Variants in NR2C1 observed in about 807,000 individuals in gnomAD.
The protein encoded by NR2C1 is nuclear receptor subfamily 2 group C member 1, also known as TR2 nuclear hormone receptor.
A neutral mutation model predicts 74.8 loss-of-function variants in NR2C1; 33 were observed. That is an observed-to-expected ratio of 0.44 (90% CI 0.33 to 0.59). The LOEUF (loss-of-function observed/expected upper bound fraction) is 0.59, where lower values mean the gene tolerates loss of function less well. NR2C1 is among the 20% of genes least tolerant of loss of function. The pLI is 0.02. For missense variants in NR2C1, 568 were observed against 715.6 expected (o/e 0.79, Z 2.35); for synonymous variants, 225 against 240.6 (o/e 0.94, Z 0.60).
intron 12 of NR2C1, among the ~76,000 whole-genome samples, chr12:95,027,508 G>A (rs1362643104): frequency 2.0e-5 from 3 of 152,156 alleles, no homozygotes; most frequent in Non-Finnish European, 2.9e-5. Flanking sequence ...AGGCCGAGGC[G>A]GGTAGATCAC....
chr12:95,065,253 G>A (rs1373885727), intron 2 of NR2C1, among the ~76,000 whole-genome samples: 1 of 152,000 alleles, frequency 6.6e-6, no homozygotes, highest in Non-Finnish European at 1.5e-5. Flanking sequence ...TGCGATCTCG[G>A]CTCACTGCAA....
intron 7 of NR2C1, among the ~76,000 whole-genome samples, chr12:95,055,744 GC>G (rs1370989102): frequency 2.0e-5 from 3 of 151,654 alleles, no homozygotes; most frequent in Non-Finnish European, 4.4e-5. Flanking sequence ...ATGAGGTCAG[GC>G]GATTGAGACC....
At chr12:95,023,906 CAA>C (rs768758186) in intron 13 of NR2C1, among the ~76,000 whole-genome samples, 1 of 152,118 alleles carries the variant, frequency 6.6e-6, no homozygotes, top group Non-Finnish European at 1.5e-5. Flanking sequence ...ACCACCTTTT[CAA>C]AAAGACTGTG....
intron 2 of NR2C1, among the ~76,000 whole-genome samples, chr12:95,065,494 G>A (rs981602688): frequency 1.1e-4 from 17 of 151,724 alleles, no homozygotes; most frequent in Non-Finnish European, 5.9e-5. Flanking sequence ...AATTTTCGTG[G>A]GTACATAGGT....
At chr12:95,025,342 C>G (rs1869223029) in intron 12 of NR2C1, 87 bp from the exon 13 acceptor site, 1 of 682,446 alleles carries the variant, frequency 1.5e-6, no homozygotes, top group South Asian at 2.0e-5. Flanking sequence ...AAAGAATAGT[C>G]AAAATAGAAG....
rs1225263731 is a variant in NR2C1 at position 95,028,397 on chromosome 12, G to C, written c.1521C>G (p.Leu507=). Residue 507 remains leucine (L), a synonymous_variant, in exon 12 of 14, where the codon CTC becomes CTG. Transcript: ENST00000333003. Reference sequence around the variant, plus strand: ...TAAATGTTTATATACCTGGACTGAAGAGTACTATTGCCTTCAGGTAGGCAT... The same window carrying C: ...TAAATGTTTATATACCTGGACTGAACAGTACTATTGCCTTCAGGTAGGCAT... The part of the protein sequence containing the change: ...YEYAYLKAIV[L]FSPDHPSLEN... 1.2e-6 allele frequency: 2 copies of C among 1,609,818 alleles called. No homozygotes were observed. The highest frequency in any genetic ancestry group is 1.7e-6 in the Non-Finnish European group (2 of 1,177,758).
At chr12:95,047,777 C>G (rs899945501) in intron 9 of NR2C1, among the ~76,000 whole-genome samples, 6 of 152,172 alleles carry the variant, frequency 3.9e-5, no homozygotes, top group African/African-American at 1.4e-4. Context: ...ACAACAGGAT[C>G]GTAATGTAAG....
At chr12:95,069,252 T>C (rs1386546146) in intron 1 of NR2C1, among the ~76,000 whole-genome samples, 2 of 152,120 alleles carry the variant, frequency 1.3e-5, no homozygotes, top group African/African-American at 2.4e-5. Flanking sequence ...TAATGAAAAC[T>C]TAGGGAGATA....
At chr12:95,052,158 GTT>G (rs201217929) in intron 7 of NR2C1, among the ~76,000 whole-genome samples, 2 of 141,058 alleles carry the variant, frequency 1.4e-5, no homozygotes, top group Non-Finnish European at 1.6e-5. Context: ...ATGTTACTTT[GTT>G]TTTTTTTTTT....
At chr12:95,053,506 A>T (rs1873336758) in intron 7 of NR2C1, among the ~76,000 whole-genome samples, 2 of 151,940 alleles carry the variant, frequency 1.3e-5, no homozygotes, top group Admixed American at 1.3e-4. Context: ...TCTGAGTATA[A>T]TTTTTAATTC....
intron 11 of NR2C1, among the ~76,000 whole-genome samples, chr12:95,029,271 G>C (rs911354940): frequency 6.6e-6 from 1 of 151,750 alleles, no homozygotes; most frequent in Non-Finnish European, 1.5e-5. Context: ...AGTAGAGATG[G>C]GGTTTCACCA....
intron 8 of NR2C1, among the ~76,000 whole-genome samples, chr12:95,050,334 ACT>A (rs1356955109): frequency 6.6e-6 from 1 of 151,966 alleles, no homozygotes; most frequent in African/African-American, 2.4e-5. Context: ...TTTGAGACAG[ACT>A]CTCGTTTTGT....
chr12:95,033,868 A>G (rs1358796368), intron 10 of NR2C1, among the ~76,000 whole-genome samples: 1 of 152,260 alleles, frequency 6.6e-6, no homozygotes, highest in Non-Finnish European at 1.5e-5. Flanking sequence ...TGATGAAAAG[A>G]GCTGTGGGCC....
intron 9 of NR2C1, among the ~76,000 whole-genome samples, chr12:95,048,727 C>T (rs893642916): frequency 1.3e-5 from 2 of 149,370 alleles, no homozygotes; most frequent in South Asian, 2.2e-4. Flanking sequence ...CGAGTTCAAT[C>T]GATTGTCCTG....
Position 95,021,263 on chromosome 12 carries a change from C to A in NR2C1, c.*966G>T, listed in dbSNP as rs1868750280. ...ATATTGCCCAGGCTGGTCTCGAACTCCTGAGCTCAAGCAATCTGCCTGCCT... is the reference window on the plus strand; with the variant it reads ...ATATTGCCCAGGCTGGTCTCGAACTACTGAGCTCAAGCAATCTGCCTGCCT... On this transcript the variant is annotated 3_prime_UTR_variant, in exon 14 of 14. Transcript: ENST00000333003. The A allele has an allele frequency of 6.6e-6, 1 of 152,092 alleles. No homozygotes were observed. The highest frequency in any genetic ancestry group is 2.4e-5 in the African/African-American group (1 of 41,428). 9.4% of individuals were successfully genotyped at this position (152,092 alleles called of 1,614,324 possible). A position where few individuals can be genotyped will look rare whatever the true frequency, so the allele number is the denominator to read the frequency against.
chr12:95,057,470 CA>C (rs1874087692), intron 7 of NR2C1, 82 bp downstream of exon 7: 3 of 953,004 alleles, frequency 3.1e-6, no homozygotes, highest in Admixed American at 2.7e-5. Flanking sequence ...AAGAACAAAG[CA>C]ATTTACCAAA....
At chr12:95,052,347 G>C (rs191301926) in intron 7 of NR2C1, among the ~76,000 whole-genome samples, 16 of 151,798 alleles carry the variant, frequency 1.1e-4, no homozygotes, top group Non-Finnish European at 2.1e-4. Flanking sequence ...GCTGAGACAG[G>C]GTTTCACCAT....
At chr12:95,070,414 G>A (rs766236150) in intron 1 of NR2C1, among the ~76,000 whole-genome samples, 4 of 152,134 alleles carry the variant, frequency 2.6e-5, no homozygotes, top group African/African-American at 7.2e-5. Flanking sequence ...TTACAGGTAT[G>A]AGCCACCACA....
intron 1 of NR2C1, chr12:95,072,647 T>G (rs1414918577): frequency 1.3e-5 from 2 of 152,252 alleles, no homozygotes; most frequent in South Asian, 4.1e-4. Flanking sequence ...TACTGAAGAT[T>G]ATGGGACAAC....
Sources: gnomAD v4.1 joint callset for allele counts (sites outside exome capture counted in the v4.1 genomes callset) on GRCh38, gnomAD v4.1.1 for gene constraint, MANE v1.5 for transcripts, NCBI Gene and HGNC (gene_info 2026-07-23, HGNC 2026-07-21) for gene names.